PCDHA5: variants seen among roughly 807,000 people sequenced by gnomAD.
PCDHA5 encodes the protein protocadherin alpha 5.
Under a neutral mutation model 61.6 loss-of-function variants are expected in PCDHA5, and 43 were observed. That is an observed-to-expected ratio of 0.70 (90% CI 0.55 to 0.90). PCDHA5 has a LOEUF of 0.90. Ranked by LOEUF, PCDHA5 falls within the 40% of genes least tolerant of loss-of-function variation. The pLI is 0.00. For missense variants in PCDHA5, 1,298 were observed against 1,222.7 expected (o/e 1.06, Z -0.92); for synonymous variants, 627 against 543.9 (o/e 1.15, Z -2.13).
chr5:140,851,940 G>A (rs1431345124), intron 1 of PCDHA5: 2 of 966,626 alleles, frequency 2.1e-6, no homozygotes, highest in Non-Finnish European at 2.5e-6. Flanking sequence ...ATTGTAGTAT[G>A]TGACTTTCAA....
At position 140,967,486 on chromosome 5, in the gene PCDHA5, G is replaced by A. The variant is rs782309199; in HGVS notation, c.2353-11463G>A. The A allele has an allele frequency of 2.5e-6, 4 of 1,612,986 alleles. No individual in the cohort carries two copies. The African/African-American group carries it at 4.0e-5, about 16-fold the overall frequency. ...GGGGCATCCCAGCCCGCTCGGGTAC[G>A]GCACAGATCTCTGTGCGTGTCCTGG... On this transcript the variant is annotated intron_variant, in intron 1 of 3. Coordinates refer to ENST00000529859, the MANE Select transcript of PCDHA5 (RefSeq NM_018908.3).
At chr5:140,877,163 C>T (rs782243946) in intron 1 of PCDHA5, 3 of 1,613,816 alleles carry the variant, frequency 1.9e-6, no homozygotes, top group Non-Finnish European at 2.5e-6. Context: ...AACGCGCCGG[C>T]ACTGCTGGCG....
intron 1 of PCDHA5, among the ~76,000 whole-genome samples, chr5:140,944,623 T>G (rs535315515): frequency 2.0e-5 from 3 of 152,202 alleles, no homozygotes; most frequent in Non-Finnish European, 4.4e-5. Flanking sequence ...AGAAGTATAG[T>G]GTTGTAAGCC....
intron 1 of PCDHA5, among the ~76,000 whole-genome samples, chr5:140,903,945 C>G (rs191892568): frequency 2.6e-5 from 4 of 152,162 alleles, no homozygotes; most frequent in Non-Finnish European, 5.9e-5. Context: ...CTCTTAAATA[C>G]TGGAAAATTA....
chr5:140,964,949 G>A (rs1322269042), intron 1 of PCDHA5, among the ~76,000 whole-genome samples: 1 of 152,226 alleles, frequency 6.6e-6, no homozygotes, highest in Non-Finnish European at 1.5e-5. Flanking sequence ...TAGTGAGTGT[G>A]CTTGGTTGGT....
At chr5:140,917,047 G>A (rs183820401) in intron 1 of PCDHA5, among the ~76,000 whole-genome samples, 11 of 152,262 alleles carry the variant, frequency 7.2e-5, no homozygotes, top group Admixed American at 5.2e-4. Context: ...GCACAGTGTT[G>A]TTCCCTGCTA....
rs554030052 is a variant in PCDHA5 at position 140,856,707 on chromosome 5, A to C, written c.2352+32580A>C. The C allele has an allele frequency of 4.6e-4, 729 of 1,596,628 alleles. 58 individuals carry two copies. The South Asian group carries it at 7.4e-3, about 16-fold the overall frequency. ...ACAGCAACTGATGGAGGCAAACCTGAATTTACCGGATCTGTTTCTCTGCTG... is the reference window on the plus strand; with the variant it reads ...ACAGCAACTGATGGAGGCAAACCTGCATTTACCGGATCTGTTTCTCTGCTG... On this transcript the variant is annotated intron_variant, in intron 1 of 3. Coordinates refer to ENST00000529859, the MANE Select transcript of PCDHA5 (RefSeq NM_018908.3).
chr5:140,892,763 C>G (rs1365366300), intron 1 of PCDHA5, among the ~76,000 whole-genome samples: 12 of 152,298 alleles, frequency 7.9e-5, no homozygotes, highest in Middle Eastern at 3.4e-3. Context: ...TTAAAATCCA[C>G]TCTTCTAGCT....
intron 3 of PCDHA5, among the ~76,000 whole-genome samples, chr5:140,988,459 G>A (rs1554250155): frequency 6.6e-6 from 1 of 152,152 alleles, no homozygotes; most frequent in Admixed American, 6.5e-5. Context: ...AGGAAGCAAG[G>A]GTGTGGGAAG....
At chr5:140,984,254 G>A (rs553931247) in intron 3 of PCDHA5, among the ~76,000 whole-genome samples, 1 of 152,278 alleles carries the variant, frequency 6.6e-6, no homozygotes, top group East Asian at 1.9e-4. Flanking sequence ...GACCTGGTAA[G>A]CCACAAACTA....
intron 1 of PCDHA5, chr5:140,968,814 G>A: frequency 1.5e-5 from 24 of 1,614,232 alleles, no homozygotes; most frequent in Non-Finnish European, 1.9e-5. Context: ...GTGGTGGATA[G>A]GGTTTCCAAA....
intron 1 of PCDHA5, among the ~76,000 whole-genome samples, chr5:140,896,874 A>G (rs1009285499): frequency 1.3e-5 from 2 of 152,102 alleles, no homozygotes; most frequent in Non-Finnish European, 2.9e-5. Flanking sequence ...GTACATATTT[A>G]TGGGGTATAT....
chr5:140,991,642 A>T (rs2097463636), intron 3 of PCDHA5, among the ~76,000 whole-genome samples: 2 of 152,160 alleles, frequency 1.3e-5, no homozygotes, highest in South Asian at 4.1e-4. Flanking sequence ...CAATCTGTTC[A>T]TGACAATTTA....
intron 1 of PCDHA5, among the ~76,000 whole-genome samples, chr5:140,922,795 G>C (rs1393016233): frequency 7.9e-5 from 12 of 152,152 alleles, no homozygotes; most frequent in African/African-American, 2.9e-4. Context: ...TGTAGCTTTG[G>C]AATACAGAAA....
intron 3 of PCDHA5, among the ~76,000 whole-genome samples, chr5:141,003,540 T>C (rs2098129225): frequency 6.6e-6 from 1 of 152,188 alleles, no homozygotes; most frequent in Non-Finnish European, 1.5e-5. Flanking sequence ...CTTGAACTCC[T>C]GGCTTCAAGT....
chr5:140,902,563 G>C (rs1472097639), intron 1 of PCDHA5, among the ~76,000 whole-genome samples: 2 of 151,808 alleles, frequency 1.3e-5, no homozygotes, highest in African/African-American at 4.8e-5. Context: ...GATTTTTGAG[G>C]GTTTTTAAGA....
In PCDHA5 at chr5:140,823,155, C is replaced by G. The variant is rs142802947; in HGVS notation, c.1380C>G (p.Thr460=). Residue 460 remains threonine, a synonymous_variant, in exon 1 of 4, where the codon ACC becomes ACG. Transcript: ENST00000529859. ...NAPAFAQPQY[T]VFVKENNPPG... ...CGGCGTTCGCGCAGCCCCAGTATAC[C>G]GTGTTCGTGAAGGAGAACAACCCGC... The G allele has an allele frequency of 1.5e-5, 25 of 1,613,718 alleles. No individual in the cohort carries two copies. In the Admixed American group the frequency reaches 4.0e-4, roughly 26 times the overall value.
chr5:140,991,310 C>T (rs1450251256), intron 3 of PCDHA5, among the ~76,000 whole-genome samples: 2 of 152,140 alleles, frequency 1.3e-5, no homozygotes, highest in Admixed American at 6.5e-5. Flanking sequence ...TATCTTGTCC[C>T]GCATGATACA....
At chr5:140,848,904 CAAA>C in intron 1 of PCDHA5, 1 of 1,608,060 alleles carries the variant, frequency 6.2e-7, no homozygotes, top group Non-Finnish European at 8.5e-7. Context: ...CCCAGCGACA[CAAA>C]AGAATCTGTT....
Sources: allele counts gnomAD v4.1 joint callset (sites outside exome capture counted in the v4.1 genomes callset), GRCh38; gene constraint gnomAD v4.1.1; transcripts MANE v1.5; gene names NCBI Gene and HGNC (gene_info 2026-07-23, HGNC 2026-07-21).